Variants in NUDT14 observed in about 807,000 individuals in gnomAD.
NUDT14 encodes nudix hydrolase 14.
NUDT14 carries 22 observed loss-of-function variants against 17.5 expected under a neutral mutation model. That is an observed-to-expected ratio of 1.26 (90% CI 0.90 to 1.80). NUDT14 has a LOEUF of 1.80. Among genes scored for constraint, NUDT14 ranks in the 40% most tolerant of loss-of-function variants. NUDT14 has a pLI of 0.00. For missense variants in NUDT14, 296 were observed against 295.6 expected (o/e 1.00, Z -0.01); for synonymous variants, 129 against 125.8 (o/e 1.03, Z -0.17).
At position 105,173,430 on chromosome 14, in the gene NUDT14, C is replaced by T. The variant is rs916765731; in HGVS notation, c.429-169G>A. On this transcript the variant is annotated intron_variant, in intron 4 of 4. Coordinates refer to ENST00000392568, the MANE Select transcript of NUDT14 (RefSeq NM_177533.5). This position sits in a 1 kb window ranked among gnomAD's most constrained non-coding sequence, Gnocchi z 4.7. ...CGGATTCCCACCTGGTGTGCACGCC[C>T]GTGGCCCCTCCCGCAGCAGGGCATC... 22 of 646,908 alleles carry T rather than the reference C, an allele frequency of 3.4e-5. No homozygotes were observed. Among genetic ancestry groups the T allele is most frequent in the Middle Eastern group, 9.1e-4 (2 of 2,208 alleles). The allele number at this position is 646,908 out of a possible 1,614,324, so 40.1% of individuals were successfully genotyped here.
At position 105,173,087 on chromosome 14, in the gene NUDT14, G is replaced by A. The variant is rs750038894; in HGVS notation, c.603C>T (p.Thr201=). The A allele has an allele frequency of 3.2e-6, 5 of 1,564,824 alleles. No individual in the cohort carries two copies. The highest frequency in any genetic ancestry group is 4.3e-6 in the Non-Finnish European group (5 of 1,157,296). Residue 201 remains threonine, a synonymous_variant, in exon 5 of 5, where the codon ACC becomes ACT. Coordinates refer to ENST00000392568, the MANE Select transcript of NUDT14 (RefSeq NM_177533.5). This position sits in a 1 kb window ranked among gnomAD's most constrained non-coding sequence, Gnocchi z 4.7. Reference sequence around the variant, plus strand: ...ATGAGACACCAAAGATGACGCCGAGGGTCTTGGGGATGTCCGGGTCGTCTG... The same window carrying A: ...ATGAGACACCAAAGATGACGCCGAGAGTCTTGGGGATGTCCGGGTCGTCTG... The part of the protein sequence containing the change: ...AFADDPDIPK[T]LGVIFGVSWF...
rs1889158744 is a variant in NUDT14 at position 105,173,906 on chromosome 14, G to T, written c.429-645C>A. Among the ~76,000 whole-genome samples the T allele has an allele frequency of 6.6e-6, 1 of 151,982 alleles. No individual in the cohort carries two copies. Among genetic ancestry groups the T allele is most frequent in the Admixed American group, 6.6e-5 (1 of 15,266 alleles). Reference sequence around the variant, plus strand: ...GGAGCCCCTCAGTCTGTGGCCAGCTGCAGAGGCCCATGCCAGACCCCAGCC... The same window carrying T: ...GGAGCCCCTCAGTCTGTGGCCAGCTTCAGAGGCCCATGCCAGACCCCAGCC... On this transcript the variant is annotated intron_variant, in intron 4 of 4. Coordinates refer to ENST00000392568, the MANE Select transcript of NUDT14 (RefSeq NM_177533.5). This position sits in a 1 kb window ranked among gnomAD's most constrained non-coding sequence, Gnocchi z 4.7.
At chr14:105,180,725 C>G (rs1382187151) in intron 1 of NUDT14, among the ~76,000 whole-genome samples, 3 of 152,158 alleles carry the variant, frequency 2.0e-5, no homozygotes, top group Non-Finnish European at 4.4e-5. Context: ...GGCCTCTGCG[C>G]TCCTTGCTCC....
chr14:105,178,052 G>A lies in NUDT14; in HGVS notation c.82-317C>T, dbSNP rs587686021. Among the ~76,000 whole-genome samples the A allele has an allele frequency of 7.6e-4, 116 of 152,250 alleles. 2 individuals are homozygous for A. The highest frequency in any genetic ancestry group is 8.5e-4 in the Admixed American group (13 of 15,306). Reference sequence around the variant, plus strand: ...AAGGGGCTGCAGAGAGACGTACACCGTCACCAAGTATAGGAAGGCTCATGG... The same window carrying A: ...AAGGGGCTGCAGAGAGACGTACACCATCACCAAGTATAGGAAGGCTCATGG... On this transcript the variant is annotated intron_variant, in intron 1 of 4. Coordinates refer to ENST00000392568, the MANE Select transcript of NUDT14 (RefSeq NM_177533.5).
Position 105,178,353 on chromosome 14 carries a change from C to A in NUDT14, c.82-618G>T, listed in dbSNP as rs587678825. On this transcript the variant is annotated intron_variant, in intron 1 of 4. Coordinates refer to ENST00000392568, the MANE Select transcript of NUDT14 (RefSeq NM_177533.5). ...TGGTGACCAGGCTCGGCAGCCCCCC[C>A]ACACACCCCTACCCCCAGTTTCTGG... is the stretch of plus-strand genomic sequence containing the variant. Among the ~76,000 whole-genome samples the A allele has an allele frequency of 6.8e-4, 103 of 152,214 alleles. 1 individual carries two copies. The highest frequency in any genetic ancestry group is 2.4e-3 in the African/African-American group (98 of 41,530).
intron 4 of NUDT14, chr14:105,176,317 G>A (rs961862197): frequency 6.7e-6 from 4 of 600,638 alleles, no homozygotes; most frequent in Non-Finnish European, 1.2e-5. Context: ...GGGGCCGCAG[G>A]CTGGGGGCAT....
chr14:105,177,404 C>G, intron 2 of NUDT14: 2 of 550,028 alleles, frequency 3.6e-6, no homozygotes, highest in Non-Finnish European at 6.6e-6. Flanking sequence ...CAGCCCAGAC[C>G]CTGGATGCTA....
intron 2 of NUDT14, chr14:105,177,393 C>G: frequency 1.8e-6 from 1 of 547,406 alleles, no homozygotes; most frequent in East Asian, 3.2e-5. Context: ...ACGTCGCCAT[C>G]CAGCCCAGAC....
intron 1 of NUDT14, among the ~76,000 whole-genome samples, chr14:105,179,987 C>T (rs1889292766): frequency 6.6e-6 from 1 of 152,268 alleles, no homozygotes; most frequent in East Asian, 1.9e-4. Flanking sequence ...GGCTGGGGGG[C>T]TGGACTGACT....
At chr14:105,177,571 T>G in intron 2 of NUDT14, 121 bp downstream of exon 2, 1 of 899,244 alleles carries the variant, frequency 1.1e-6, no homozygotes, top group Non-Finnish European at 1.7e-6. Flanking sequence ...GAAGGGACTT[T>G]TGGAGCCCAC....
chr14:105,178,189 A>T (rs931581769), intron 1 of NUDT14, among the ~76,000 whole-genome samples: 1 of 151,856 alleles, frequency 6.6e-6, no homozygotes, highest in African/African-American at 2.4e-5. Context: ...GAACAGGTGG[A>T]GACGGGAGGG....
intron 1 of NUDT14, among the ~76,000 whole-genome samples, chr14:105,180,634 G>GA (rs1333579464): frequency 3.3e-5 from 5 of 151,986 alleles, no homozygotes; most frequent in African/African-American, 9.7e-5. Context: ...GCCCTCCCTG[G>GA]AAAAAACCCC....
rs1813305426 is a variant in NUDT14, at chr14:105,175,909, G to A, written c.428+625C>T. ...AGGAGGCTGTGGAGGCTGGTGCTCA[G>A]CTGGTGGGGGTGGGGGTCTGTGACA... On this transcript the variant is annotated intron_variant, in intron 4 of 4. Coordinates refer to ENST00000392568, the MANE Select transcript of NUDT14 (RefSeq NM_177533.5). 8 of 1,207,744 alleles carry A rather than the reference G, an allele frequency of 6.6e-6. No homozygotes were observed. In the South Asian group the frequency reaches 9.9e-5, roughly 15 times the overall value. 74.8% of individuals were successfully genotyped at this position (1,207,744 alleles called of 1,614,324 possible).
At chr14:105,177,809 AC>A in intron 1 of NUDT14, 74 bp from the exon 2 acceptor site, 2 of 1,406,190 alleles carry the variant, frequency 1.4e-6, no homozygotes, top group South Asian at 2.3e-5. Context: ...GAGGCCACAG[AC>A]CCATTGCACC....
At chr14:105,179,706 C>T (rs1889287759) in intron 1 of NUDT14, among the ~76,000 whole-genome samples, 2 of 152,244 alleles carry the variant, frequency 1.3e-5, no homozygotes, top group Non-Finnish European at 2.9e-5. Flanking sequence ...TCTCCACCTG[C>T]TGTACCCCGA....
chr14:105,173,173 C>T lies in NUDT14; in HGVS notation c.517G>A (p.Val173Met), dbSNP rs1406553778. Residue 173 changes from valine to methionine, a missense_variant, in exon 5 of 5, where the codon GTG becomes ATG. Coordinates refer to ENST00000392568, the MANE Select transcript of NUDT14 (RefSeq NM_177533.5). The surrounding 1 kb of genome is among the most constrained non-coding windows in gnomAD (Gnocchi z 4.7). Reference sequence around the variant, plus strand: ...ACCTCAATGAGCTCACCCTCCTCCACCAGGCCCCCACCTGGACCGCTACGC... The same window carrying T: ...ACCTCAATGAGCTCACCCTCCTCCATCAGGCCCCCACCTGGACCGCTACGC... ...AQRSGPGGGL[V>M]EEGELIEVVH... is the part of the protein sequence containing the mutation. 1.2e-6 allele frequency: 2 copies of T among 1,610,968 alleles called. No individual in the cohort carries two copies. The highest frequency in any genetic ancestry group is 2.7e-5 in the African/African-American group (2 of 74,866).
chr14:105,177,016 A>T lies in NUDT14; in HGVS notation c.137T>A (p.Leu46His), dbSNP rs781137256. 1 of 1,611,776 alleles carries T rather than the reference A, an allele frequency of 6.2e-7. No homozygotes were observed. Among genetic ancestry groups the T allele is most frequent in the East Asian group, 2.2e-5 (1 of 44,860 alleles). ...GCTCCTCCGAGAAGAGTTGAATAAGAGAACGGTCACGCTGTGTACGGGGGG... is the reference window on the plus strand; with the variant it reads ...GCTCCTCCGAGAAGAGTTGAATAAGTGAACGGTCACGCTGTGTACGGGGGG... Reference protein sequence around the residue: ...FMKTHDSVTVLLFNSSRRSLV... With the variant: ...FMKTHDSVTVHLFNSSRRSLV... The change falls in exon 3 of 5, where the codon CTC (leucine) becomes CAC (histidine). Residue 46 changes from leucine to histidine, a missense_variant. Coordinates refer to ENST00000392568, the MANE Select transcript of NUDT14 (RefSeq NM_177533.5).
chr14:105,179,070 C>CCATG (rs2141304330), intron 1 of NUDT14, among the ~76,000 whole-genome samples: 1 of 152,264 alleles, frequency 6.6e-6, no homozygotes, highest in Non-Finnish European at 1.5e-5. Flanking sequence ...CCTGCTGTGC[C>CCATG]CATGCCCCTT....
At chr14:105,176,385 G>A in intron 4 of NUDT14, 149 bp downstream of exon 4, 1 of 702,368 alleles carries the variant, frequency 1.4e-6, no homozygotes, top group South Asian at 1.7e-5. Flanking sequence ...TGGCTTAGGA[G>A]CTGAGGCGCA....
Sources: allele counts gnomAD v4.1 joint callset (sites outside exome capture counted in the v4.1 genomes callset), GRCh38; gene constraint gnomAD v4.1.1; non-coding constraint Gnocchi (gnomAD v3.1); transcripts MANE v1.5; gene names NCBI Gene and HGNC (gene_info 2026-07-23, HGNC 2026-07-21).